MAT2B: variants seen among roughly 807,000 people sequenced by gnomAD.
MAT2B encodes methionine adenosyltransferase 2 subunit beta.
Under a neutral mutation model 36.1 loss-of-function variants are expected in MAT2B, and 16 were observed. The observed-to-expected ratio is 0.44, with a 90% CI of 0.30 to 0.67. The LOEUF (loss-of-function observed/expected upper bound fraction) is 0.67, where lower values mean the gene tolerates loss of function less well. Among genes scored for constraint, MAT2B ranks in the 30% least tolerant of loss-of-function variants. MAT2B has a pLI of 0.09. For synonymous variants in MAT2B, 148 were observed against 136.9 expected, an observed-to-expected ratio of 1.08 and a Z score of -0.57; for missense variants, 332 against 398.2, an observed-to-expected ratio of 0.83 and a Z score of 1.42.
At chr5:163,510,880 T>G (rs777572403) in intron 1 of MAT2B, among the ~76,000 whole-genome samples, 2 of 152,200 alleles carry the variant, frequency 1.3e-5, no homozygotes, top group Non-Finnish European at 2.9e-5. Context: ...TATTGAGACT[T>G]GAAAGAACAT....
chr5:163,514,033 G>T, intron 4 of MAT2B, 39 bp downstream of exon 4: 1 of 1,552,432 alleles, frequency 6.4e-7, no homozygotes, highest in East Asian at 2.3e-5. Context: ...TGTTTTTGAA[G>T]ACTTTAAAAA....
intron 4 of MAT2B, 138 bp downstream of exon 4, chr5:163,514,132 GAA>G (rs1219014539): frequency 3.1e-6 from 2 of 637,046 alleles, no homozygotes; most frequent in African/African-American, 3.8e-5. Flanking sequence ...AGTTAATAAA[GAA>G]AATAAAAAAT....
intron 1 of MAT2B, among the ~76,000 whole-genome samples, chr5:163,505,964 C>T (rs1355277104): frequency 6.6e-6 from 1 of 152,110 alleles, no homozygotes; most frequent in Non-Finnish European, 1.5e-5. Context: ...TTCTTCCAGC[C>T]ACTGCGGCAG....
chr5:163,517,352 A>T lies in MAT2B; in HGVS notation c.721-209A>T, dbSNP rs528752822. The T allele has an allele frequency of 3.9e-5, 12 of 309,210 alleles. No individual in the cohort carries two copies. In the East Asian group the frequency reaches 5.1e-4, roughly 13 times the overall value. The allele number at this position is 309,210 out of a possible 1,614,324, so 19.2% of individuals were successfully genotyped here. Reference sequence around the variant, plus strand: ...CCTTTTTTTGATTTTAAAAATTCTTAAGGTTTAAATTCTAGAAATTGCTCT... The same window carrying T: ...CCTTTTTTTGATTTTAAAAATTCTTTAGGTTTAAATTCTAGAAATTGCTCT... On this transcript the variant is annotated intron_variant, in intron 5 of 6. Coordinates refer to ENST00000321757, the MANE Select transcript of MAT2B (RefSeq NM_013283.5).
At chr5:163,504,094 G>T (rs1759890344), upstream of MAT2B, among the ~76,000 whole-genome samples, 1 of 152,152 alleles carries the variant, frequency 6.6e-6, no homozygotes, top group Non-Finnish European at 1.5e-5. Flanking sequence ...GAAGAATGAA[G>T]AATTAATTTT....
At chr5:163,511,907 A>T in intron 1 of MAT2B, 95 bp from the exon 2 acceptor site, 1 of 930,480 alleles carries the variant, frequency 1.1e-6, no homozygotes, top group Non-Finnish European at 1.6e-6. Context: ...AAATACGTAG[A>T]ATTAAGACAT....
At chr5:163,506,783 AGCTT>A (rs1285742171) in intron 1 of MAT2B, among the ~76,000 whole-genome samples, 2 of 135,418 alleles carry the variant, frequency 1.5e-5, no homozygotes, top group African/African-American at 5.0e-5. Context: ...GTGCATATAA[AGCTT>A]AATCTACTTT....
upstream of MAT2B, chr5:163,503,231 C>A (rs1263727483): frequency 7.8e-6 from 5 of 637,614 alleles, no homozygotes; most frequent in Admixed American, 8.2e-5. Context: ...GCACGAGATT[C>A]CGGGATTGGA....
Position 163,517,658 on chromosome 5 carries a change from G to A in MAT2B, c.818G>A (p.Ser273Asn). The A allele has an allele frequency of 6.2e-7, 1 of 1,611,602 alleles. No homozygotes were observed. The highest frequency in any genetic ancestry group is 8.5e-7 in the Non-Finnish European group (1 of 1,177,808). The change falls in exon 6 of 7, where the codon AGC (serine) becomes AAC (asparagine). Residue 273 changes from serine (S) to asparagine (N), a missense_variant. Coordinates refer to ENST00000321757, the MANE Select transcript of MAT2B (RefSeq NM_013283.5). Reference sequence around the variant, plus strand: ...ATTGCAGATGCCTTCAACCTCCCCAGCAGTCACTTAAGACCTGTAAGTACA... The same window carrying A: ...ATTGCAGATGCCTTCAACCTCCCCAACAGTCACTTAAGACCTGTAAGTACA... Reference protein sequence around the residue: ...CAIADAFNLPSSHLRPITDSP... With the variant: ...CAIADAFNLPNSHLRPITDSP...
intron 5 of MAT2B, 35 bp downstream of exon 5, chr5:163,516,746 G>T: frequency 1.9e-6 from 3 of 1,607,482 alleles, no homozygotes; most frequent in Non-Finnish European, 2.6e-6. Flanking sequence ...CTTAGCGAAG[G>T]TCCGCTTTGT....
intron 1 of MAT2B, among the ~76,000 whole-genome samples, chr5:163,509,310 A>G (rs1483334615): frequency 6.6e-6 from 1 of 152,216 alleles, no homozygotes; most frequent in Non-Finnish European, 1.5e-5. Context: ...TAAGGGGGAA[A>G]GATACTGTTG....
chr5:163,513,165 T>G (rs2094527574), intron 2 of MAT2B: 1 of 171,706 alleles, frequency 5.8e-6, no homozygotes, highest in South Asian at 1.3e-4. Context: ...TTTAAATTTT[T>G]TTGTAGAGAT....
chr5:163,512,646 G>T, intron 2 of MAT2B: 2 of 439,092 alleles, frequency 4.6e-6, no homozygotes, highest in East Asian at 7.3e-5. Context: ...TGTCCAAATT[G>T]GGGGATAAAA....
intron 1 of MAT2B, 27 bp downstream of exon 1, chr5:163,505,776 G>C (rs1759923062): frequency 8.0e-7 from 1 of 1,256,954 alleles, no homozygotes; most frequent in African/African-American, 1.5e-5. Flanking sequence ...GGGCGTCTCC[G>C]GTGGGAGCGG....
intron 1 of MAT2B, among the ~76,000 whole-genome samples, chr5:163,509,238 C>A (rs1401906130): frequency 6.6e-6 from 1 of 151,554 alleles, no homozygotes; most frequent in Non-Finnish European, 1.5e-5. Flanking sequence ...GATCTTAATT[C>A]ATTGTTTAGT....
intron 2 of MAT2B, 45 bp downstream of exon 2, chr5:163,512,241 GTT>G: frequency 6.8e-7 from 1 of 1,472,818 alleles, no homozygotes; most frequent in South Asian, 1.1e-5. Flanking sequence ...AATATTAAGA[GTT>G]GTCTGGATGA....
intron 3 of MAT2B, 62 bp from the exon 4 acceptor site, chr5:163,513,780 T>TA: frequency 6.5e-7 from 1 of 1,545,386 alleles, no homozygotes; most frequent in East Asian, 2.3e-5. Flanking sequence ...AAAACCATTC[T>TA]AAATTCCATG....
In MAT2B at chr5:163,514,612, G is replaced by GTT. The variant is rs11381240; in HGVS notation, c.526+625_526+626dup. Among the ~76,000 whole-genome samples the GTT allele has an allele frequency of 2.0e-5, 3 of 151,676 alleles. 1 individual carries two copies. Among genetic ancestry groups the GTT allele is most frequent in the African/African-American group, 7.3e-5 (3 of 41,334 alleles). ...ATGTATGCATGTTGTTTCACAACCTGTTTTTTTTCCCTCAACATCTTTGCA... is the reference window on the plus strand; with the variant it reads ...ATGTATGCATGTTGTTTCACAACCTGTTTTTTTTTTCCCTCAACATCTTTGCA... On this transcript the variant is annotated intron_variant, in intron 4 of 6. Coordinates refer to ENST00000321757, the MANE Select transcript of MAT2B (RefSeq NM_013283.5).
chr5:163,517,732 T>TG, intron 6 of MAT2B, 58 bp downstream of exon 6: 1 of 1,076,010 alleles, frequency 9.3e-7, no homozygotes, highest in Non-Finnish European at 1.4e-6. Flanking sequence ...ATTATTGCTG[T>TG]GTTGGGTAAC....
Sources: allele counts gnomAD v4.1 joint callset (sites outside exome capture counted in the v4.1 genomes callset), GRCh38; gene constraint gnomAD v4.1.1; transcripts MANE v1.5; gene names NCBI Gene and HGNC (gene_info 2026-07-23, HGNC 2026-07-21).